CHST12: variants seen among roughly 807,000 people sequenced by gnomAD.
CHST12 encodes carbohydrate sulfotransferase 12, also known as carbohydrate (chondroitin 4) sulfotransferase 12.
In CHST12, 23 loss-of-function variants were observed where a neutral mutation model predicts 27.9. The ratio of observed to expected loss-of-function variants is 0.82; its 90% CI spans 0.59 to 1.17. The LOEUF (loss-of-function observed/expected upper bound fraction) is 1.17. CHST12 is among the 50% of genes most tolerant of loss of function. CHST12 has a pLI of 0.00. For synonymous variants in CHST12, 322 were observed against 273.0 expected, an observed-to-expected ratio of 1.18 and a Z score of -1.77; for missense variants, 682 against 603.0, an observed-to-expected ratio of 1.13 and a Z score of -1.37.
In CHST12 at chr7:2,433,060, A is replaced by C; in HGVS notation, c.421A>C (p.Thr141Pro). Residue 141 changes from threonine (T) to proline (P), a missense_variant, in exon 2 of 2, where the codon ACC becomes CCC. Physicochemically the swap from Thr to Pro is conservative, Grantham distance 38 (BLOSUM62 -1). Coordinates refer to ENST00000618655, the MANE Select transcript of CHST12 (RefSeq NM_018641.5). This position sits in a 1 kb window ranked among gnomAD's most constrained non-coding sequence, Gnocchi z 6.1. ...CGCCAACTCCAGCCTGGCCTTCCCC[A>C]CCAAGGAGCGCGCATTCGACGACAT... ...FCANSSLAFP[T>P]KERAFDDIPN... 6.2e-7 allele frequency: 1 copy of C among 1,611,916 alleles called. No individual in the cohort carries two copies. The highest frequency in any genetic ancestry group is 8.5e-7 in the Non-Finnish European group (1 of 1,179,640).
intron 1 of CHST12, among the ~76,000 whole-genome samples, chr7:2,430,915 AGGTTTGGTCT>A (rs1417836224): frequency 2.4e-4 from 36 of 152,348 alleles, no homozygotes; most frequent in African/African-American, 8.4e-4. Context: ...AAATTAGCTG[AGGTTTGGTCT>A]ACCATGGTGA....
intron 1 of CHST12, among the ~76,000 whole-genome samples, chr7:2,407,225 C>T (rs1781548085): frequency 1.3e-5 from 2 of 152,084 alleles, no homozygotes; most frequent in African/African-American, 2.4e-5. Context: ...GTGAGAGGAT[C>T]GTTTGAGGCC....
At position 2,433,399 on chromosome 7, in the gene CHST12, G is replaced by A; in HGVS notation, c.760G>A (p.Ala254Thr). 8.1e-6 allele frequency: 13 copies of A among 1,609,338 alleles called. No homozygotes were observed. The highest frequency in any genetic ancestry group is 1.1e-5 in the South Asian group (1 of 91,092). Residue 254 changes from alanine (A) to threonine (T), a missense_variant, in exon 2 of 2, where the codon GCC becomes ACC. Ala to Thr is a moderately conservative substitution (Grantham distance 58). Coordinates refer to ENST00000618655, the MANE Select transcript of CHST12 (RefSeq NM_018641.5). This position sits in a 1 kb window ranked among gnomAD's most constrained non-coding sequence, Gnocchi z 6.1. The part of the protein sequence containing the change: ...VRDPFVRLIS[A>T]FRSKFELENE... ...CGACCCCTTCGTGCGCCTGATCTCC[G>A]CCTTCCGCAGCAAGTTCGAGCTGGA...
rs555242317 is a variant in CHST12, at chr7:2,432,581, C to A, written c.-59C>A. On this transcript the variant is annotated 5_prime_UTR_variant, in exon 2 of 2. Coordinates refer to ENST00000618655, the MANE Select transcript of CHST12 (RefSeq NM_018641.5). The stretch of plus-strand genomic sequence containing the variant: ...TCTGCAGGTTCCCAGCAGGATGCCC[C>A]GGCTCTGCAGGAAGCTGAAGTGAGA... 1 of 1,540,246 alleles carries A rather than the reference C, an allele frequency of 6.5e-7. No individual in the cohort carries two copies. The highest frequency in any genetic ancestry group is 2.3e-5 in the East Asian group (1 of 43,882).
chr7:2,427,393 TG>T (rs1416330618), intron 1 of CHST12, among the ~76,000 whole-genome samples: 1 of 150,736 alleles, frequency 6.6e-6, no homozygotes, highest in Non-Finnish European at 1.5e-5. Context: ...CCCAGCTACT[TG>T]GAAGGCTGAG....
chr7:2,430,533 G>C (rs1782246484), intron 1 of CHST12, among the ~76,000 whole-genome samples: 1 of 152,126 alleles, frequency 6.6e-6, no homozygotes, highest in South Asian at 2.1e-4. Context: ...GGCCAGGCGG[G>C]TCTTGAACTC....
rs1429071453 is a variant in CHST12 at position 2,446,301 on chromosome 7, G to A, written c.*12417G>A. On this transcript the variant is annotated 3_prime_UTR_variant, in exon 2 of 2. Coordinates refer to ENST00000618655, the MANE Select transcript of CHST12 (RefSeq NM_018641.5). Reference sequence around the variant, plus strand: ...TAGCTGAGCGCCAGCCGCAGTCTGGGGGACGGGAGCCTCGTGCGACTCTCG... The same window carrying A: ...TAGCTGAGCGCCAGCCGCAGTCTGGAGGACGGGAGCCTCGTGCGACTCTCG... 6.5e-6 allele frequency: 1 copy of A among 152,764 alleles called. No individual in the cohort carries two copies. Among genetic ancestry groups the A allele is most frequent in the Non-Finnish European group, 1.5e-5 (1 of 68,098 alleles). The allele number at this position is 152,764 out of a possible 1,614,324, so 9.5% of individuals were successfully genotyped here.
At position 2,432,794 on chromosome 7, in the gene CHST12, C is replaced by T; in HGVS notation, c.155C>T (p.Pro52Leu). 3 of 1,613,678 alleles carry T rather than the reference C, an allele frequency of 1.9e-6. No individual in the cohort carries two copies. Among genetic ancestry groups the T allele is most frequent in the Non-Finnish European group, 2.5e-6 (3 of 1,179,800 alleles). Residue 52 changes from proline to leucine, a missense_variant, in exon 2 of 2, where the codon CCC (proline) becomes CTC (leucine). Pro to Leu is a moderately conservative substitution (Grantham distance 98, BLOSUM62 -3). Transcript: ENST00000618655. ...RPHTGPPLPT[P>L]GPDRDRELTA... is the part of the protein sequence containing the mutation. ...CACACGGGGCCGCCGCTGCCCACGC[C>T]CGGGCCGGACAGGGACAGGGAGCTC...
At position 2,439,119 on chromosome 7, in the gene CHST12, G is replaced by A. The variant is rs1471494016; in HGVS notation, c.*5235G>A. ...CACTCGCTTCAGCTGATTTGGGTTG[G>A]ATTTCTAGCGTTTCACATACAGGAT... On this transcript the variant is annotated 3_prime_UTR_variant, in exon 2 of 2. Transcript: ENST00000618655. The A allele has an allele frequency of 6.6e-6, 1 of 152,234 alleles. No individual in the cohort carries two copies. The highest frequency in any genetic ancestry group is 1.5e-5 in the Non-Finnish European group (1 of 68,054). 9.4% of individuals were successfully genotyped at this position (152,234 alleles called of 1,614,324 possible). A position where few individuals can be genotyped will look rare whatever the true frequency, so the allele number is the denominator to read the frequency against.
rs1237262152 is a variant in CHST12 at position 2,447,224 on chromosome 7, C to T, written c.*13340C>T. ...GCAGCGACCACTGAGGCTGGTGCTG[C>T]ACTTTCTCAGGGAATTGAGTGTGGG... On this transcript the variant is annotated 3_prime_UTR_variant, in exon 2 of 2. Coordinates refer to ENST00000618655, the MANE Select transcript of CHST12 (RefSeq NM_018641.5). 5 of 152,270 alleles carry T rather than the reference C, an allele frequency of 3.3e-5. No individual in the cohort carries two copies. Among genetic ancestry groups the T allele is most frequent in the Non-Finnish European group, 7.3e-5 (5 of 68,092 alleles). 9.4% of individuals were successfully genotyped at this position (152,270 alleles called of 1,614,324 possible). A position where few individuals can be genotyped will look rare whatever the true frequency, so the allele number is the denominator to read the frequency against.
chr7:2,411,005 T>G (rs1781649795), intron 1 of CHST12, among the ~76,000 whole-genome samples: 1 of 151,726 alleles, frequency 6.6e-6, no homozygotes, highest in Non-Finnish European at 1.5e-5. Context: ...CAGGGTGGGG[T>G]GTAGGTAGGG....
intron 1 of CHST12, among the ~76,000 whole-genome samples, chr7:2,431,260 TTTCC>T (rs1401208823): frequency 2.6e-5 from 4 of 152,228 alleles, no homozygotes; most frequent in Non-Finnish European, 5.9e-5. Context: ...TCTCTAGTAG[TTTCC>T]TTCCTTCTGA....
At chr7:2,432,205 A>G (rs1470000739) in intron 1 of CHST12, among the ~76,000 whole-genome samples, 1 of 140,946 alleles carries the variant, frequency 7.1e-6, no homozygotes, top group Non-Finnish European at 1.5e-5. Flanking sequence ...TGCAGAGGGC[A>G]GAGTCCAGGA....
Position 2,409,814 on chromosome 7 carries a change from C to T in CHST12, c.-78+6141C>T, listed in dbSNP as rs565956071. ...TGGGCTTTCTGCTCTGATGGAATGG[C>T]GGCCCTCGCCTGCCTCTGTGCACAG... On this transcript the variant is annotated intron_variant, in intron 1 of 1. Transcript: ENST00000618655. Among the ~76,000 whole-genome samples the T allele has an allele frequency of 5.3e-5, 8 of 152,290 alleles. No homozygotes were observed. The South Asian group carries it at 1.0e-3, about 20-fold the overall frequency.
chr7:2,419,009 G>T (rs562547313), intron 1 of CHST12, among the ~76,000 whole-genome samples: 2 of 152,296 alleles, frequency 1.3e-5, no homozygotes, highest in South Asian at 4.1e-4. Flanking sequence ...TGTGGACCAG[G>T]CTGGTCTTGA....
intron 1 of CHST12, among the ~76,000 whole-genome samples, chr7:2,426,020 C>G (rs1782109070): frequency 6.6e-6 from 1 of 151,880 alleles, no homozygotes; most frequent in South Asian, 2.1e-4. Context: ...ACGGGGCTCG[C>G]TAGATCAGCA....
At chr7:2,422,176 A>G (rs1781992759) in intron 1 of CHST12, among the ~76,000 whole-genome samples, 1 of 151,966 alleles carries the variant, frequency 6.6e-6, no homozygotes, top group Non-Finnish European at 1.5e-5. Context: ...GTTAGTCTTC[A>G]TCTTAATTGG....
At position 2,438,037 on chromosome 7, in the gene CHST12, G is replaced by T. The variant is rs1272506571; in HGVS notation, c.*4153G>T. On this transcript the variant is annotated 3_prime_UTR_variant, in exon 2 of 2. Transcript: ENST00000618655. ...GCAGCCATCTGAGCTGGAAGCTGTG[G>T]ACATGGTCCTTGTGTGGGTCCAAGC... 6.6e-6 allele frequency: 1 copy of T among 152,364 alleles called. No individual in the cohort carries two copies. The highest frequency in any genetic ancestry group is 1.9e-4 in the East Asian group (1 of 5,196). The allele number at this position is 152,364 out of a possible 1,614,324, so 9.4% of individuals were successfully genotyped here.
chr7:2,413,673 C>G (rs1255131034), intron 1 of CHST12, among the ~76,000 whole-genome samples: 1 of 150,818 alleles, frequency 6.6e-6, no homozygotes, highest in African/African-American at 2.4e-5. Context: ...GCACTTCACC[C>G]TTTTTACACT....
Sources: gnomAD v4.1 joint callset for allele counts (sites outside exome capture counted in the v4.1 genomes callset) on GRCh38, gnomAD v4.1.1 for gene constraint, Gnocchi (gnomAD v3.1) non-coding constraint, MANE v1.5 for transcripts, NCBI Gene and HGNC (gene_info 2026-07-23, HGNC 2026-07-21) for gene names.